Variants in ZNF892 observed in about 807,000 individuals in gnomAD.
The protein encoded by ZNF892 is zinc finger protein 892, also known as zinc finger protein 570-like.
the ZNF892 span, among the ~76,000 whole-genome samples, chr2:95,238,121 A>G: frequency 6.6e-6 from 1 of 152,284 alleles, no homozygotes; most frequent in Non-Finnish European, 1.5e-5. Context: ...AATGTAGACA[A>G]AACAGCTTTT....
At chr2:95,260,791 T>A in the ZNF892 span, among the ~76,000 whole-genome samples, 1 of 152,202 alleles carries the variant, frequency 6.6e-6, no homozygotes, top group Admixed American at 6.5e-5. Flanking sequence ...AGGAAGTGCC[T>A]GCTTCCTGCA....
chr2:95,211,844 C>G, the ZNF892 span: 1 of 396,950 alleles, frequency 2.5e-6, no homozygotes, highest in Admixed American at 4.4e-5. Context: ...CTGAGACAGG[C>G]AATTTCTGCC....
the ZNF892 span, chr2:95,207,587 C>T: frequency 7.8e-6 from 3 of 385,690 alleles, no homozygotes; most frequent in African/African-American, 6.2e-5. Context: ...TGTCGTCGGG[C>T]TCGGCTTCCT....
the ZNF892 span, among the ~76,000 whole-genome samples, chr2:95,252,179 C>T: frequency 6.6e-6 from 1 of 152,068 alleles, no homozygotes; most frequent in East Asian, 1.9e-4. Context: ...TGGTGTGCTG[C>T]AGCCATTAAC....
At chr2:95,237,116 G>C in the ZNF892 span, among the ~76,000 whole-genome samples, 1 of 144,374 alleles carries the variant, frequency 6.9e-6, no homozygotes, top group Admixed American at 6.9e-5. Context: ...TGTTGGATCT[G>C]TTATGGTCAT....
chr2:95,218,448 A>G, the ZNF892 span, among the ~76,000 whole-genome samples: 1 of 151,892 alleles, frequency 6.6e-6, no homozygotes, highest in Admixed American at 6.5e-5. Flanking sequence ...TATAACAAGA[A>G]CCACCTTTTT....
the ZNF892 span, among the ~76,000 whole-genome samples, chr2:95,247,647 TAAAC>T: frequency 1.3e-5 from 2 of 151,458 alleles, no homozygotes; most frequent in South Asian, 4.2e-4. Flanking sequence ...ATAAGGAACT[TAAAC>T]AATTAAAAAC....
At chr2:95,234,241 G>A in the ZNF892 span, among the ~76,000 whole-genome samples, 4 of 152,330 alleles carry the variant, frequency 2.6e-5, no homozygotes, top group Admixed American at 2.6e-4. Flanking sequence ...CCAGCAGTCA[G>A]GCGCTCAATG....
the ZNF892 span, among the ~76,000 whole-genome samples, chr2:95,234,091 G>A: frequency 2.0e-5 from 3 of 152,090 alleles, no homozygotes; most frequent in Non-Finnish European, 2.9e-5. Context: ...GCGCGATCTC[G>A]GCTCACTGCA....
At chr2:95,227,568 T>G in the ZNF892 span, among the ~76,000 whole-genome samples, 1 of 151,840 alleles carries the variant, frequency 6.6e-6, no homozygotes, top group Admixed American at 6.6e-5. Flanking sequence ...AGTGATCACC[T>G]GCTTCAGCCT....
chr2:95,237,843 A>T, the ZNF892 span, among the ~76,000 whole-genome samples: 1 of 152,238 alleles, frequency 6.6e-6, no homozygotes, highest in South Asian at 2.1e-4. Flanking sequence ...TGGATAGAAG[A>T]TCAAGCCAGC....
At chr2:95,222,089 A>T in the ZNF892 span, among the ~76,000 whole-genome samples, 1 of 152,164 alleles carries the variant, frequency 6.6e-6, no homozygotes, top group East Asian at 1.9e-4. Flanking sequence ...CACTGCACCA[A>T]CAAATTCCAC....
the ZNF892 span, among the ~76,000 whole-genome samples, chr2:95,246,936 G>C: frequency 7.2e-5 from 11 of 152,140 alleles, no homozygotes; most frequent in Non-Finnish European, 1.6e-4. Context: ...ACTGCCCAAA[G>C]TAATTTATAG....
chr2:95,240,419 C>T, the ZNF892 span, among the ~76,000 whole-genome samples: 1 of 152,212 alleles, frequency 6.6e-6, no homozygotes. Flanking sequence ...CTCGGGAAAC[C>T]ATGCTTCTCC....
chr2:95,247,768 A>G, the ZNF892 span, among the ~76,000 whole-genome samples: 1 of 152,224 alleles, frequency 6.6e-6, no homozygotes, highest in Non-Finnish European at 1.5e-5. Context: ...CATCAGGGAA[A>G]TGCAAATCAA....
At chr2:95,249,429 A>G in the ZNF892 span, among the ~76,000 whole-genome samples, 2 of 142,908 alleles carry the variant, frequency 1.4e-5, no homozygotes, top group African/African-American at 5.1e-5. Context: ...TTGTATATTT[A>G]GTAGAGACGG....
the ZNF892 span, among the ~76,000 whole-genome samples, chr2:95,250,153 C>T: frequency 1.3e-5 from 2 of 151,972 alleles, no homozygotes; most frequent in African/African-American, 2.4e-5. Flanking sequence ...ATGTTTTCTT[C>T]GTTTTTCTTT....
chr2:95,221,103 T>C, the ZNF892 span, among the ~76,000 whole-genome samples: 1 of 152,214 alleles, frequency 6.6e-6, no homozygotes, highest in South Asian at 2.1e-4. Flanking sequence ...TAGATATATG[T>C]TTTAAAATTT....
chr2:95,213,832 G>A, the ZNF892 span, among the ~76,000 whole-genome samples: 1 of 152,168 alleles, frequency 6.6e-6, no homozygotes, highest in Non-Finnish European at 1.5e-5. Context: ...TCTTTTAGCA[G>A]TGGTTGGGAC....
Sources: gnomAD v4.1 joint callset for allele counts (sites outside exome capture counted in the v4.1 genomes callset) on GRCh38, gnomAD v4.1.1 for gene constraint, MANE v1.5 for transcripts, NCBI Gene and HGNC (gene_info 2026-07-23, HGNC 2026-07-21) for gene names.